Variants in RPGRIP1 observed in about 807,000 individuals in gnomAD.
RPGRIP1 encodes RPGR interacting protein 1.
Under a neutral mutation model 157.9 loss-of-function variants are expected in RPGRIP1, and 128 were observed. The observed-to-expected ratio is 0.81, with a 90% CI of 0.70 to 0.94. RPGRIP1 has a LOEUF of 0.94. Among genes scored for constraint, RPGRIP1 ranks in the 40% least tolerant of loss-of-function variants. The pLI, the probability that RPGRIP1 is intolerant of heterozygous loss-of-function variation, is 0.00. For synonymous variants in RPGRIP1, 554 were observed against 571.6 expected (o/e 0.97, Z 0.44); for missense variants, 1,486 against 1,545.8 (o/e 0.96, Z 0.65).
intron 10 of RPGRIP1, among the ~76,000 whole-genome samples, chr14:21,314,898 C>CT (rs989720150): frequency 6.6e-6 from 1 of 152,018 alleles, no homozygotes; most frequent in African/African-American, 2.4e-5. Context: ...TGGCAGGGGC[C>CT]TGTAATCCCA....
chr14:21,328,460 G>A lies in RPGRIP1; in HGVS notation c.2932G>A (p.Gly978Ser), dbSNP rs754582695. 18 of 1,613,592 alleles carry A rather than the reference G, an allele frequency of 1.1e-5. No homozygotes were observed. The highest frequency in any genetic ancestry group is 1.4e-5 in the Non-Finnish European group (17 of 1,179,738). The change falls in exon 19 of 25, where the codon GGC becomes AGC. Residue 978 changes from glycine (G) to serine (S), a missense_variant. Coordinates refer to ENST00000400017, the MANE Select transcript of RPGRIP1 (RefSeq NM_020366.4). Reference sequence around the variant, plus strand: ...ATCTCCTGAGGTTCCCATTGAAGCTGGCCAGTATCGATCTAAGAGAAAACC... The same window carrying A: ...ATCTCCTGAGGTTCCCATTGAAGCTAGCCAGTATCGATCTAAGAGAAAACC... ...MASPEVPIEA[G>S]QYRSKRKPPH... is the part of the protein sequence containing the mutation.
At position 21,325,080 on chromosome 14, in the gene RPGRIP1, G is replaced by T. The variant is rs1436969082; in HGVS notation, c.2215+10G>T. On this transcript the variant is annotated intron_variant, in intron 15 of 24. Transcript: ENST00000400017. ...TTGGCCACACTGATTGGTAAGTGCCGTTGGCTTCCTGCGGCTCCTAAGCAC... is the reference window on the plus strand; with the variant it reads ...TTGGCCACACTGATTGGTAAGTGCCTTTGGCTTCCTGCGGCTCCTAAGCAC... 1.9e-6 allele frequency: 3 copies of T among 1,594,508 alleles called. No homozygotes were observed. The highest frequency in any genetic ancestry group is 3.4e-5 in the Admixed American group (2 of 58,154).
At chr14:21,308,699 G>C (rs933807790) in intron 7 of RPGRIP1, among the ~76,000 whole-genome samples, 1 of 152,204 alleles carries the variant, frequency 6.6e-6, no homozygotes. Flanking sequence ...AAGAAAGACG[G>C]AAGAAGCTCC....
chr14:21,339,626 C>T (rs1400850220), intron 21 of RPGRIP1, among the ~76,000 whole-genome samples: 1 of 152,110 alleles, frequency 6.6e-6, no homozygotes, highest in African/African-American at 2.4e-5. Flanking sequence ...TTCGTCTTAA[C>T]TGCTGATCGA....
At chr14:21,312,359 G>A in intron 9 of RPGRIP1, 74 bp from the exon 10 acceptor site, 1 of 1,041,674 alleles carries the variant, frequency 9.6e-7, no homozygotes. Context: ...GCCCCTCCCT[G>A]CCATGGACAG....
chr14:21,328,113 G>A (rs1343925148), intron 18 of RPGRIP1, among the ~76,000 whole-genome samples: 1 of 151,968 alleles, frequency 6.6e-6, no homozygotes, highest in Non-Finnish European at 1.5e-5. Flanking sequence ...AGGTTGCGGC[G>A]AGCCGAGATC....
At chr14:21,321,539 C>A in intron 13 of RPGRIP1, 137 bp downstream of exon 13, 1 of 1,442,968 alleles carries the variant, frequency 6.9e-7, no homozygotes, top group Non-Finnish European at 9.1e-7. Context: ...CACACAATGG[C>A]TGTCCTTTGA....
chr14:21,292,893 T>A (rs1013457782), intron 2 of RPGRIP1, among the ~76,000 whole-genome samples: 3 of 150,962 alleles, frequency 2.0e-5, no homozygotes, highest in Admixed American at 6.6e-5. Context: ...ACGCCTGTAA[T>A]CCCAGCACTT....
At chr14:21,338,238 A>G (rs1042780726) in intron 21 of RPGRIP1, among the ~76,000 whole-genome samples, 1 of 152,134 alleles carries the variant, frequency 6.6e-6, no homozygotes, top group East Asian at 1.9e-4. Context: ...ACAGTTACTA[A>G]TGAGGAGGGA....
Position 21,326,061 on chromosome 14 carries a change from A to G in RPGRIP1, c.2598A>G (p.Arg866=). ...LVTSDLDHYL[R]REALSIHVFD... ...CCTCTGACCTGGACCATTATCTGAG[A>G]CGGGAGGCCTTGTCTATACATGTTT... The change falls in exon 17 of 25, where the codon AGA becomes AGG. Residue 866 remains arginine, a synonymous_variant. Transcript: ENST00000400017. 1 of 1,613,920 alleles carries G rather than the reference A, an allele frequency of 6.2e-7. No individual in the cohort carries two copies. The highest frequency in any genetic ancestry group is 8.5e-7 in the Non-Finnish European group (1 of 1,179,852).
rs907184305 is a variant in RPGRIP1 at position 21,327,193 on chromosome 14, CA to C, written c.2711-427del. Among the ~76,000 whole-genome samples, 24 of 152,190 alleles carry C rather than the reference CA, an allele frequency of 1.6e-4. 1 individual carries two copies. Among genetic ancestry groups the C allele is most frequent in the African/African-American group, 4.6e-4 (19 of 41,444 alleles). ...ATAAGCCACCTGTTAATCAGTGTTA[CA>C]AATCAGACATCTGGCATTTCGAAAG... On this transcript the variant is annotated intron_variant, in intron 17 of 24. Transcript: ENST00000400017.
intron 10 of RPGRIP1, among the ~76,000 whole-genome samples, chr14:21,315,502 G>A (rs1363962949): frequency 7.2e-6 from 1 of 138,352 alleles, no homozygotes; most frequent in Non-Finnish European, 1.5e-5. Flanking sequence ...GCCAGACTCC[G>A]TCTCAAAAAA....
intron 24 of RPGRIP1, among the ~76,000 whole-genome samples, chr14:21,349,683 C>T (rs61977518): frequency 0.05 from 7,644 of 152,124 alleles, 330 homozygotes; most frequent in African/African-American, 0.12. Context: ...GGATTACAGG[C>T]GTGAGCCACC....
At chr14:21,307,039 G>A (rs1660081965) in intron 6 of RPGRIP1, among the ~76,000 whole-genome samples, 1 of 152,136 alleles carries the variant, frequency 6.6e-6, no homozygotes, top group African/African-American at 2.4e-5. Context: ...TTCCCAAAGT[G>A]TTGGGATTAC....
Position 21,325,873 on chromosome 14 carries a change from G to A in RPGRIP1, c.2410G>A (p.Glu804Lys), listed in dbSNP as rs367869842. Reference sequence around the variant, plus strand: ...GGAACCTCAGAACGAGCTGTGGATTGAAATCACCAAGTGCTGTGGCCTCCG... The same window carrying A: ...GGAACCTCAGAACGAGCTGTGGATTAAAATCACCAAGTGCTGTGGCCTCCG... Reference protein sequence around the residue: ...SWEPQNELWIEITKCCGLRSR... With the variant: ...SWEPQNELWIKITKCCGLRSR... The change falls in exon 17 of 25, where the codon GAA becomes AAA. Residue 804 changes from glutamate (E) to lysine (K), a missense_variant. Glu to Lys is a moderately conservative substitution (Grantham distance 56). Transcript: ENST00000400017. 2 of 1,613,846 alleles carry A rather than the reference G, an allele frequency of 1.2e-6. No homozygotes were observed. The highest frequency in any genetic ancestry group is 1.7e-6 in the Non-Finnish European group (2 of 1,179,792).
intron 21 of RPGRIP1, among the ~76,000 whole-genome samples, chr14:21,338,586 A>G (rs1884650178): frequency 6.6e-6 from 1 of 152,260 alleles, no homozygotes; most frequent in Non-Finnish European, 1.5e-5. Context: ...TAATGGAATT[A>G]GCTCATGTAA....
intron 12 of RPGRIP1, 46 bp from the exon 13 acceptor site, chr14:21,321,213 C>T (rs1882420846): frequency 1.3e-6 from 2 of 1,560,568 alleles, no homozygotes; most frequent in South Asian, 1.2e-5. Context: ...TATTACTTTA[C>T]CTGTCATATT....
At chr14:21,294,085 C>T (rs566745520) in intron 2 of RPGRIP1, among the ~76,000 whole-genome samples, 1 of 146,234 alleles carries the variant, frequency 6.8e-6, no homozygotes, top group East Asian at 2.0e-4. Flanking sequence ...GAAGAAGAAA[C>T]TAAAAAGAAA....
intron 2 of RPGRIP1, among the ~76,000 whole-genome samples, chr14:21,288,880 C>T (rs1880408184): frequency 6.6e-6 from 1 of 152,098 alleles, no homozygotes; most frequent in South Asian, 2.1e-4. Context: ...AATACTACCA[C>T]CACAAACAGC....
Sources: allele counts gnomAD v4.1 joint callset (sites outside exome capture counted in the v4.1 genomes callset), GRCh38; gene constraint gnomAD v4.1.1; transcripts MANE v1.5; gene names NCBI Gene and HGNC (gene_info 2026-07-23, HGNC 2026-07-21).